SFXN1: variants seen among roughly 807,000 people sequenced by gnomAD.
SFXN1 encodes the protein sideroflexin 1.
A neutral mutation model predicts 39.5 loss-of-function variants in SFXN1; 32 were observed. The ratio of observed to expected loss-of-function variants is 0.81; its 90% CI spans 0.61 to 1.09. The LOEUF is 1.09. Among genes scored for constraint, SFXN1 ranks in the 50% least tolerant of loss-of-function variants. SFXN1 has a pLI of 0.00. For synonymous variants in SFXN1, 136 were observed against 146.5 expected (o/e 0.93, Z 0.52); for missense variants, 402 against 407.1 (o/e 0.99, Z 0.11).
At chr5:175,501,000 C>CT (rs1432212099) in intron 2 of SFXN1, among the ~76,000 whole-genome samples, 1 of 151,176 alleles carries the variant, frequency 6.6e-6, no homozygotes, top group Non-Finnish European at 1.5e-5. Flanking sequence ...AATATACTAG[C>CT]TAACACTATT....
At chr5:175,499,666 C>T (rs1027000803) in intron 2 of SFXN1, among the ~76,000 whole-genome samples, 1 of 152,178 alleles carries the variant, frequency 6.6e-6, no homozygotes, top group Non-Finnish European at 1.5e-5. Context: ...ACTACAAAAA[C>T]CCTACGACTA....
At chr5:175,513,979 G>A (rs906089748) in intron 7 of SFXN1, among the ~76,000 whole-genome samples, 6 of 152,042 alleles carry the variant, frequency 3.9e-5, no homozygotes, top group Non-Finnish European at 8.8e-5. Context: ...GGAGTCAGGA[G>A]GCCACAGACG....
At chr5:175,486,621 A>G (rs1460236798) in intron 1 of SFXN1, among the ~76,000 whole-genome samples, 1 of 152,052 alleles carries the variant, frequency 6.6e-6, no homozygotes, top group East Asian at 1.9e-4. Flanking sequence ...AATTTAAAAA[A>G]ACAGAAACTA....
At chr5:175,524,119 AAAAAAAAT>A (rs1214744286) in intron 10 of SFXN1, 1 of 38,634 alleles carries the variant, frequency 2.6e-5, no homozygotes, top group African/African-American at 1.5e-4. Flanking sequence ...AAAAAAAAAA[AAAAAAAAT>A]ATATATATAT....
intron 1 of SFXN1, among the ~76,000 whole-genome samples, chr5:175,485,967 T>C (rs267390): frequency 0.56 from 85,616 of 152,058 alleles, 24,507 homozygotes; most frequent in Non-Finnish European, 0.61. Context: ...TGTGGCAAGC[T>C]TAGGCCAGCA....
At chr5:175,497,095 G>A (rs1759885055) in intron 2 of SFXN1, among the ~76,000 whole-genome samples, 1 of 152,044 alleles carries the variant, frequency 6.6e-6, no homozygotes, top group Admixed American at 6.5e-5. Flanking sequence ...CACCATGTTG[G>A]CCAGGCTGGT....
intron 2 of SFXN1, among the ~76,000 whole-genome samples, chr5:175,508,661 C>G (rs1317346325): frequency 1.3e-5 from 2 of 151,200 alleles, no homozygotes; most frequent in Non-Finnish European, 2.9e-5. Flanking sequence ...TTTTTTGAGA[C>G]AGAGTCTCGC....
intron 10 of SFXN1, among the ~76,000 whole-genome samples, chr5:175,524,846 G>A (rs1761011678): frequency 6.6e-6 from 1 of 152,106 alleles, no homozygotes; most frequent in South Asian, 2.1e-4. Context: ...ATAACTGTAG[G>A]TTCAGCAGTG....
intron 2 of SFXN1, among the ~76,000 whole-genome samples, chr5:175,499,602 A>G (rs1433443304): frequency 6.6e-6 from 1 of 152,180 alleles, no homozygotes; most frequent in African/African-American, 2.4e-5. Flanking sequence ...ACAAAATCCA[A>G]CATCCATTCA....
At chr5:175,509,374 T>C (rs1476076899) in intron 3 of SFXN1, 172 bp downstream of exon 3, 3 of 554,490 alleles carry the variant, frequency 5.4e-6, no homozygotes, top group Admixed American at 3.9e-5. Flanking sequence ...AATCAAAACA[T>C]CATGTTGAAC....
chr5:175,487,046 G>A (rs753690070), intron 1 of SFXN1, among the ~76,000 whole-genome samples: 2 of 152,060 alleles, frequency 1.3e-5, no homozygotes, highest in African/African-American at 4.8e-5. Flanking sequence ...GATCTTCACC[G>A]GGGAACATCA....
At chr5:175,479,031 C>T (rs1417593851) in intron 1 of SFXN1, among the ~76,000 whole-genome samples, 3 of 152,238 alleles carry the variant, frequency 2.0e-5, no homozygotes, top group African/African-American at 7.2e-5. Flanking sequence ...AGCCAGGTGG[C>T]CCAGTGCCTG....
intron 4 of SFXN1, 33 bp from the exon 5 acceptor site, chr5:175,511,418 C>T (rs778106918): frequency 1.1e-5 from 17 of 1,564,334 alleles, no homozygotes; most frequent in East Asian, 2.2e-5. Context: ...GACATGCCCT[C>T]GTCGTCCACA....
intron 2 of SFXN1, among the ~76,000 whole-genome samples, chr5:175,494,545 C>G (rs996398100): frequency 1.3e-5 from 2 of 151,868 alleles, no homozygotes; most frequent in Non-Finnish European, 1.5e-5. Context: ...GTCAGGAGCT[C>G]GAGACCAGCC....
intron 2 of SFXN1, among the ~76,000 whole-genome samples, chr5:175,493,005 G>A (rs1318993248): frequency 2.6e-5 from 4 of 152,232 alleles, no homozygotes; most frequent in African/African-American, 7.2e-5. Context: ...TGTAATCCCA[G>A]CCCTTTGGGA....
chr5:175,484,381 G>T (rs138420978), intron 1 of SFXN1, among the ~76,000 whole-genome samples: 113 of 152,260 alleles, frequency 7.4e-4, no homozygotes, highest in Non-Finnish European at 1.2e-3. Flanking sequence ...CCCTCCCCAC[G>T]ATGGTGCCCG....
rs116606847 is a variant in SFXN1 at position 175,515,381 on chromosome 5, G to C, written c.725-1233G>C. On this transcript the variant is annotated intron_variant, in intron 7 of 10. Transcript: ENST00000321442. ...CTCTTAGAGTTCAGCCAGTCCAGAC[G>C]GACAAATCCATTTCTAGTGATTTGG... Among the ~76,000 whole-genome samples, 1,089 of 152,170 alleles carry C rather than the reference G, an allele frequency of 7.2e-3. 16 individuals are homozygous for C. Among genetic ancestry groups the C allele is most frequent in the African/African-American group, 0.025 (1,021 of 41,506 alleles).
In SFXN1 at chr5:175,527,227, G is replaced by A. The variant is rs943259670; in HGVS notation, c.*493G>A. ...AAAAACTTACCCTGAAATATTAAGG[G>A]CAGTTTGCTTCTAGTTTGGGGATTG... On this transcript the variant is annotated 3_prime_UTR_variant, in exon 11 of 11. Transcript: ENST00000321442. 6.5e-6 allele frequency: 1 copy of A among 153,906 alleles called. No homozygotes were observed. Among genetic ancestry groups the A allele is most frequent in the African/African-American group, 2.4e-5 (1 of 41,436 alleles). The allele number at this position is 153,906 out of a possible 1,614,324, so 9.5% of individuals were successfully genotyped here.
intron 2 of SFXN1, among the ~76,000 whole-genome samples, chr5:175,508,222 ATTTTTTTT>A (rs67028708): frequency 1.6e-4 from 10 of 63,900 alleles, no homozygotes; most frequent in African/African-American, 4.8e-4. Flanking sequence ...AATAGATTTG[ATTTTTTTT>A]TTTTTTTTTT....
Sources: allele counts gnomAD v4.1 joint callset (sites outside exome capture counted in the v4.1 genomes callset), GRCh38; gene constraint gnomAD v4.1.1; transcripts MANE v1.5; gene names NCBI Gene and HGNC (gene_info 2026-07-23, HGNC 2026-07-21).